SYT17: variants seen among roughly 807,000 people sequenced by gnomAD.
SYT17 encodes the protein synaptotagmin 17, also known as synaptotagmin-17.
A neutral mutation model predicts 46.7 loss-of-function variants in SYT17; 22 were observed. The ratio of observed to expected loss-of-function variants is 0.47; its 90% CI spans 0.34 to 0.67. The LOEUF (loss-of-function observed/expected upper bound fraction) is 0.67. Among genes scored for constraint, SYT17 ranks in the 30% least tolerant of loss-of-function variants. The pLI is 0.01. For synonymous variants in SYT17, 251 were observed against 248.4 expected, an observed-to-expected ratio of 1.01 and a Z score of -0.10; for missense variants, 519 against 612.8, an observed-to-expected ratio of 0.85 and a Z score of 1.62.
chr16:19,188,513 CA>C (rs61202540), intron 5 of SYT17, among the ~76,000 whole-genome samples: 9,344 of 64,870 alleles, frequency 0.14, 179 homozygotes, highest in East Asian at 0.18. Context: ...TTCAGTTCTG[CA>C]AAAAAAAAAA....
At chr16:19,228,396 C>T (rs10221011) in intron 7 of SYT17, among the ~76,000 whole-genome samples, 10 of 152,228 alleles carry the variant, frequency 6.6e-5, no homozygotes, top group South Asian at 2.1e-4. Context: ...GTTAAAAGCT[C>T]GTTGAAAATA....
intron 5 of SYT17, among the ~76,000 whole-genome samples, chr16:19,208,884 C>CTT (rs1191498524): frequency 0.013 from 831 of 63,228 alleles, 229 homozygotes; most frequent in African/African-American, 0.055. Context: ...CAAGGACCTT[C>CTT]TTTTTTTTTT....
chr16:19,251,098 TA>T (rs1465791656), intron 7 of SYT17, among the ~76,000 whole-genome samples: 1 of 152,214 alleles, frequency 6.6e-6, no homozygotes, highest in East Asian at 1.9e-4. Flanking sequence ...ATATCCATTC[TA>T]GTAATAGGGT....
chr16:19,207,819 C>T (rs1296091032), intron 5 of SYT17, among the ~76,000 whole-genome samples: 2 of 151,984 alleles, frequency 1.3e-5, no homozygotes, highest in Non-Finnish European at 2.9e-5. Flanking sequence ...CAGGATCACT[C>T]GAGGCCAGGA....
chr16:19,168,748 C>A lies in SYT17; in HGVS notation c.15+87C>A. 1 of 1,385,894 alleles carries A rather than the reference C, an allele frequency of 7.2e-7. No homozygotes were observed. Among genetic ancestry groups the A allele is most frequent in the Non-Finnish European group, 9.5e-7 (1 of 1,053,534 alleles). 85.8% of individuals were successfully genotyped at this position (1,385,894 alleles called of 1,614,324 possible). On this transcript the variant is annotated intron_variant, in intron 1 of 7. Transcript: ENST00000355377. This position sits in a 1 kb window ranked among gnomAD's most constrained non-coding sequence, Gnocchi z 6.9. ...CTGGGAGCGCGCGGAAGGGAGGGCC[C>A]ACGGCTAGGCTCCCACAAACTTGCT...
At chr16:19,239,563 G>A (rs959747367) in intron 7 of SYT17, among the ~76,000 whole-genome samples, 23 of 152,102 alleles carry the variant, frequency 1.5e-4, no homozygotes, top group African/African-American at 4.8e-4. Context: ...AGTATTTGAC[G>A]GTAATAACAG....
chr16:19,188,630 G>C (rs1160344833), intron 5 of SYT17, among the ~76,000 whole-genome samples: 8 of 151,962 alleles, frequency 5.3e-5, no homozygotes. Flanking sequence ...TGCCAGGGCT[G>C]CCATAACAGA....
chr16:19,261,643 T>C (rs987949150), intron 7 of SYT17, among the ~76,000 whole-genome samples: 12 of 152,246 alleles, frequency 7.9e-5, no homozygotes, highest in African/African-American at 2.9e-4. Flanking sequence ...CATTTTCCTC[T>C]GTTTCCCCCT....
chr16:19,246,787 A>G (rs1967610093), intron 7 of SYT17, among the ~76,000 whole-genome samples: 7 of 152,230 alleles, frequency 4.6e-5, no homozygotes, highest in Admixed American at 4.6e-4. Flanking sequence ...CATTTAACAA[A>G]TATTCATGAG....
intron 1 of SYT17, chr16:19,172,550 C>T: frequency 6.7e-7 from 1 of 1,503,284 alleles, no homozygotes. Context: ...CAGGAGGCTA[C>T]CAGCAGCCCT....
chr16:19,173,134 CAT>C (rs1277427912), intron 2 of SYT17: 3 of 535,360 alleles, frequency 5.6e-6, no homozygotes, highest in Non-Finnish European at 9.8e-6. Flanking sequence ...AAACCACCCA[CAT>C]GTCAAGAAAG....
intron 7 of SYT17, among the ~76,000 whole-genome samples, chr16:19,257,990 C>G (rs911856891): frequency 7.9e-5 from 12 of 151,704 alleles, no homozygotes; most frequent in African/African-American, 2.9e-4. Flanking sequence ...GTGTTTATTA[C>G]ACCCACATTC....
At chr16:19,210,526 AG>A (rs1965858623) in intron 5 of SYT17, among the ~76,000 whole-genome samples, 1 of 149,666 alleles carries the variant, frequency 6.7e-6, no homozygotes, top group Admixed American at 6.7e-5. Flanking sequence ...TTTTTCTTAA[AG>A]GGTATTTCAG....
In SYT17 at chr16:19,267,235, A is replaced by C; in HGVS notation, c.*159A>C. On this transcript the variant is annotated 3_prime_UTR_variant, in exon 8 of 8. Transcript: ENST00000355377. ...CACAGATACCCCAAATCCTCTCAGA[A>C]CTGAGAGGAAGCTGACTATTGATCA... 1.5e-6 allele frequency: 1 copy of C among 645,520 alleles called. No individual in the cohort carries two copies. The highest frequency in any genetic ancestry group is 2.5e-6 in the Non-Finnish European group (1 of 403,274). The allele number at this position is 645,520 out of a possible 1,614,324, so 40.0% of individuals were successfully genotyped here.
chr16:19,202,509 T>A (rs1364303663), intron 5 of SYT17, among the ~76,000 whole-genome samples: 1 of 152,172 alleles, frequency 6.6e-6, no homozygotes, highest in East Asian at 1.9e-4. Flanking sequence ...TCATTTAGGG[T>A]TTATATGGAG....
intron 5 of SYT17, among the ~76,000 whole-genome samples, chr16:19,209,903 C>CAA (rs1965832010): frequency 1.2e-4 from 3 of 25,998 alleles, no homozygotes; most frequent in African/African-American, 5.5e-4. Context: ...AAAACAAAAA[C>CAA]AACAACAACA....
At chr16:19,242,120 C>T (rs1967176710) in intron 7 of SYT17, among the ~76,000 whole-genome samples, 1 of 152,170 alleles carries the variant, frequency 6.6e-6, no homozygotes, top group Non-Finnish European at 1.5e-5. Flanking sequence ...AAGTGTTTAG[C>T]CCCTGCTTTG....
intron 7 of SYT17, among the ~76,000 whole-genome samples, chr16:19,260,172 G>A (rs953570296): frequency 3.3e-5 from 5 of 151,846 alleles, no homozygotes; most frequent in South Asian, 2.1e-4. Flanking sequence ...AGAATAGATG[G>A]TAAGTGTTTC....
At chr16:19,180,570 C>T in intron 4 of SYT17, 31 bp downstream of exon 4, 1 of 1,611,786 alleles carries the variant, frequency 6.2e-7, no homozygotes, top group South Asian at 1.1e-5. Context: ...TTTCTGGGGG[C>T]CCTGGCTGGC....
Sources: gnomAD v4.1 joint callset for allele counts (sites outside exome capture counted in the v4.1 genomes callset) on GRCh38, gnomAD v4.1.1 for gene constraint, Gnocchi (gnomAD v3.1) non-coding constraint, MANE v1.5 for transcripts, NCBI Gene and HGNC (gene_info 2026-07-23, HGNC 2026-07-21) for gene names.